The following PHKB variants were observed in gnomAD, a reference collection of about 807,000 sequenced individuals.
PHKB encodes the protein phosphorylase kinase regulatory subunit beta, also known as phosphorylase b kinase regulatory subunit beta.
A neutral mutation model predicts 152.1 loss-of-function variants in PHKB; 122 were observed. The ratio of observed to expected loss-of-function variants is 0.80; its 90% CI spans 0.69 to 0.93. The LOEUF is 0.93. Among genes scored for constraint, PHKB ranks in the 40% least tolerant of loss-of-function variants. The pLI is 0.00. For missense variants in PHKB, 1,304 were observed against 1,328.4 expected, an observed-to-expected ratio of 0.98 and a Z score of 0.29; for synonymous variants, 436 against 464.9, an observed-to-expected ratio of 0.94 and a Z score of 0.80.
chr16:47,558,239 G>A (rs1288588345), intron 7 of PHKB, among the ~76,000 whole-genome samples: 2 of 124,934 alleles, frequency 1.6e-5, no homozygotes, highest in African/African-American at 5.9e-5. Flanking sequence ...TTGTGGGGTC[G>A]GGGGAGGGGG....
intron 1 of PHKB, among the ~76,000 whole-genome samples, chr16:47,466,614 G>A (rs897522217): frequency 2.0e-5 from 3 of 152,128 alleles, no homozygotes; most frequent in Non-Finnish European, 4.4e-5. Context: ...TAGGACTTGA[G>A]TCTTTTCATT....
intron 7 of PHKB, chr16:47,565,762 G>T (rs989947327): frequency 1.3e-6 from 2 of 1,504,050 alleles, no homozygotes; most frequent in East Asian, 4.5e-5. Context: ...AACTTCTCTT[G>T]TTCCTTCTGT....
intron 14 of PHKB, among the ~76,000 whole-genome samples, chr16:47,634,263 A>C (rs1567335405): frequency 6.6e-6 from 1 of 152,220 alleles, no homozygotes; most frequent in African/African-American, 2.4e-5. Flanking sequence ...AAAGTTTGCA[A>C]ATATTTTACA....
intron 8 of PHKB, among the ~76,000 whole-genome samples, chr16:47,586,608 A>C (rs1390100491): frequency 6.6e-6 from 1 of 152,200 alleles, no homozygotes; most frequent in East Asian, 1.9e-4. Flanking sequence ...TTTGAAGTTC[A>C]GTGTAGGTGA....
intron 6 of PHKB, among the ~76,000 whole-genome samples, chr16:47,535,347 G>T (rs754118279): frequency 4.6e-5 from 7 of 152,150 alleles, no homozygotes; most frequent in Non-Finnish European, 8.8e-5. Flanking sequence ...TAGCATTTGT[G>T]CTTGGTCTGA....
At chr16:47,482,590 G>A (rs1274698546) in intron 1 of PHKB, among the ~76,000 whole-genome samples, 1 of 152,118 alleles carries the variant, frequency 6.6e-6, no homozygotes, top group African/African-American at 2.4e-5. Context: ...AAGTGGAAAT[G>A]GTTTGGGTCT....
chr16:47,513,595 C>T (rs1437831360), intron 5 of PHKB, among the ~76,000 whole-genome samples: 1 of 152,162 alleles, frequency 6.6e-6, no homozygotes, highest in Non-Finnish European at 1.5e-5. Context: ...GCCCTGGGCT[C>T]CTCTGCCCAA....
chr16:47,484,200 C>G (rs1429780099), intron 1 of PHKB, among the ~76,000 whole-genome samples: 2 of 152,126 alleles, frequency 1.3e-5, no homozygotes, highest in Admixed American at 6.5e-5. Flanking sequence ...CATGTTCTTT[C>G]TCTAAAGGTC....
At chr16:47,505,770 C>T (rs1170606116) in intron 4 of PHKB, among the ~76,000 whole-genome samples, 2 of 152,110 alleles carry the variant, frequency 1.3e-5, no homozygotes, top group Non-Finnish European at 1.5e-5. Flanking sequence ...TGGTGGCTCA[C>T]GCCTAAAATC....
At chr16:47,580,006 G>C (rs1971815171) in intron 7 of PHKB, among the ~76,000 whole-genome samples, 1 of 151,916 alleles carries the variant, frequency 6.6e-6, no homozygotes, top group African/African-American at 2.4e-5. Flanking sequence ...TTTTTCTTGA[G>C]TTAGTGAATA....
chr16:47,533,765 G>A (rs544576153), intron 6 of PHKB, among the ~76,000 whole-genome samples: 4 of 152,288 alleles, frequency 2.6e-5, no homozygotes, highest in African/African-American at 9.6e-5. Flanking sequence ...AGATGCCTGG[G>A]TCTGCAGCCA....
chr16:47,655,071 C>T (rs1191764956), intron 20 of PHKB, among the ~76,000 whole-genome samples: 1 of 151,812 alleles, frequency 6.6e-6, no homozygotes, highest in African/African-American at 2.4e-5. Flanking sequence ...AATTCAGTCA[C>T]CAAAATTGAG....
At chr16:47,647,881 T>C (rs1973162382) in intron 16 of PHKB, among the ~76,000 whole-genome samples, 1 of 152,220 alleles carries the variant, frequency 6.6e-6, no homozygotes, top group Non-Finnish European at 1.5e-5. Context: ...TTTATGTAAA[T>C]ATACACACAT....
chr16:47,677,734 T>C (rs1973759933), intron 26 of PHKB, among the ~76,000 whole-genome samples: 1 of 152,158 alleles, frequency 6.6e-6, no homozygotes, highest in Non-Finnish European at 1.5e-5. Context: ...ATTCAGTCCA[T>C]AGAATATGGC....
chr16:47,483,013 G>T (rs1229185221), intron 1 of PHKB, among the ~76,000 whole-genome samples: 2 of 145,496 alleles, frequency 1.4e-5, no homozygotes, highest in Non-Finnish European at 3.0e-5. Context: ...GAACCACCAT[G>T]CCTGGCCTAT....
chr16:47,507,304 A>C (rs1970436894), intron 4 of PHKB, among the ~76,000 whole-genome samples: 1 of 151,582 alleles, frequency 6.6e-6, no homozygotes, highest in African/African-American at 2.4e-5. Context: ...TCCTTAAATT[A>C]TAAAGGATTA....
At chr16:47,682,076 A>G (rs1973869007) in intron 26 of PHKB, among the ~76,000 whole-genome samples, 1 of 152,170 alleles carries the variant, frequency 6.6e-6, no homozygotes, top group African/African-American at 2.4e-5. Context: ...TTCCTTTAAG[A>G]ATGTTGAATA....
intron 7 of PHKB, chr16:47,562,294 C>G (rs573956323): frequency 6.6e-6 from 1 of 152,344 alleles, no homozygotes; most frequent in Admixed American, 6.5e-5. Flanking sequence ...ATGGGCCAGC[C>G]CAAGAGAAGG....
In PHKB at chr16:47,693,538, G is replaced by A. The variant is rs1326384858; in HGVS notation, c.2895+31G>A. On this transcript the variant is annotated intron_variant, in intron 28 of 30. Coordinates refer to ENST00000323584, the MANE Select transcript of PHKB (RefSeq NM_000293.3). ...GCCCCACCATGTTCACATAAAGAAA[G>A]GAGACTTCGCAAAGGGTAGTGAATC... The A allele has an allele frequency of 3.7e-6, 6 of 1,612,634 alleles. No homozygotes were observed. In the South Asian group the frequency reaches 6.6e-5, roughly 18 times the overall value.
Sources: allele counts gnomAD v4.1 joint callset (sites outside exome capture counted in the v4.1 genomes callset), GRCh38; gene constraint gnomAD v4.1.1; transcripts MANE v1.5; gene names NCBI Gene and HGNC (gene_info 2026-07-23, HGNC 2026-07-21).